The following CRTAC1 variants were observed in gnomAD, a reference collection of about 807,000 sequenced individuals.
The protein encoded by CRTAC1 is cartilage acidic protein 1.
In CRTAC1, 37 loss-of-function variants were observed where a neutral mutation model predicts 67.8. That is an observed-to-expected ratio of 0.55 (90% confidence interval 0.42 to 0.72). The LOEUF (loss-of-function observed/expected upper bound fraction) is 0.72, where lower values mean the gene tolerates loss of function less well. CRTAC1 is among the 30% of genes least tolerant of loss of function. CRTAC1 has a pLI of 0.00. For missense variants in CRTAC1, 780 were observed against 931.6 expected (o/e 0.84, Z 2.12); for synonymous variants, 348 against 371.0 (o/e 0.94, Z 0.71).
At chr10:97,901,039 TA>T (rs2050531771) in intron 8 of CRTAC1, among the ~76,000 whole-genome samples, 1 of 137,248 alleles carries the variant, frequency 7.3e-6, no homozygotes, top group African/African-American at 3.0e-5. Flanking sequence ...CTTTTCCTGG[TA>T]GTGATTGGAC....
chr10:97,913,759 C>T (rs2050722096), intron 5 of CRTAC1, among the ~76,000 whole-genome samples: 1 of 152,152 alleles, frequency 6.6e-6, no homozygotes, highest in Non-Finnish European at 1.5e-5. Flanking sequence ...TGGTCCCTGG[C>T]TGTCAGATCT....
chr10:97,942,763 T>A (rs1180838492), intron 2 of CRTAC1, among the ~76,000 whole-genome samples: 1 of 151,292 alleles, frequency 6.6e-6, no homozygotes, highest in Non-Finnish European at 1.5e-5. Flanking sequence ...TTTTTTTCCA[T>A]TAAAAAGTGA....
At chr10:98,027,880 C>T (rs1230039549) in intron 1 of CRTAC1, among the ~76,000 whole-genome samples, 1 of 152,182 alleles carries the variant, frequency 6.6e-6, no homozygotes, top group African/African-American at 2.4e-5. Flanking sequence ...AGCTCTGAAT[C>T]GAGCAGTGGG....
intron 1 of CRTAC1, among the ~76,000 whole-genome samples, chr10:98,025,187 G>A (rs771688506): frequency 1.3e-5 from 2 of 152,106 alleles, no homozygotes; most frequent in Non-Finnish European, 2.9e-5. Context: ...CTAATGTGCT[G>A]TGATTCTGTG....
rs1434628318 is a variant in CRTAC1 at position 97,865,298 on chromosome 10, G to C, written c.*250C>G. 4.8e-6 allele frequency: 2 copies of C among 412,528 alleles called. No individual in the cohort carries two copies. The highest frequency in any genetic ancestry group is 4.0e-5 in the African/African-American group (2 of 50,304). 25.6% of individuals were successfully genotyped at this position (412,528 alleles called of 1,614,324 possible). A position where few individuals can be genotyped will look rare whatever the true frequency, so the allele number is the denominator to read the frequency against. The stretch of plus-strand genomic sequence containing the variant: ...TGGGCACATCTGTGTCCTAAGATAT[G>C]GTCATTAGACCCACTGGAATGTAAG... On this transcript the variant is annotated 3_prime_UTR_variant, in exon 15 of 15. Transcript: ENST00000370597.
At chr10:97,990,632 AAAGT>A (rs1272372249) in intron 2 of CRTAC1, among the ~76,000 whole-genome samples, 2 of 152,222 alleles carry the variant, frequency 1.3e-5, no homozygotes, top group African/African-American at 4.8e-5. Flanking sequence ...GTTATTTCCC[AAAGT>A]AAGAATTTCT....
At chr10:97,960,893 G>A (rs2051514224) in intron 2 of CRTAC1, among the ~76,000 whole-genome samples, 1 of 152,248 alleles carries the variant, frequency 6.6e-6, no homozygotes, top group African/African-American at 2.4e-5. Flanking sequence ...GGCAGCCAGT[G>A]TTAGCTCCTG....
chr10:97,908,216 C>T (rs898323911), intron 5 of CRTAC1, 69 bp from the exon 6 acceptor site: 1 of 1,554,402 alleles, frequency 6.4e-7, no homozygotes, highest in African/African-American at 1.4e-5. Context: ...GACAGGGCTG[C>T]CTCTGAGGCC....
chr10:97,902,179 C>A (rs2050551024), intron 7 of CRTAC1, among the ~76,000 whole-genome samples: 1 of 152,176 alleles, frequency 6.6e-6, no homozygotes, highest in Admixed American at 6.5e-5. Context: ...AGTTACTAAC[C>A]CCCTTGGATC....
At chr10:97,973,973 CAA>C (rs552987541) in intron 2 of CRTAC1, among the ~76,000 whole-genome samples, 2,990 of 68,850 alleles carry the variant, frequency 0.043, 100 homozygotes, top group African/African-American at 0.12. Flanking sequence ...GATCCCATAC[CAA>C]AAAAAAAAAA....
At chr10:97,900,126 G>T (rs2050512320) in intron 8 of CRTAC1, among the ~76,000 whole-genome samples, 1 of 152,228 alleles carries the variant, frequency 6.6e-6, no homozygotes, top group African/African-American at 2.4e-5. Flanking sequence ...TGATGCCAAT[G>T]GTCTCTGGAC....
chr10:97,965,794 A>G (rs1407492321), intron 2 of CRTAC1, among the ~76,000 whole-genome samples: 1 of 152,204 alleles, frequency 6.6e-6, no homozygotes, highest in Admixed American at 6.5e-5. Flanking sequence ...GTCATGTTCA[A>G]TTCTGGGCTC....
At chr10:97,977,358 A>G (rs544249227) in intron 2 of CRTAC1, among the ~76,000 whole-genome samples, 42 of 152,354 alleles carry the variant, frequency 2.8e-4, no homozygotes, top group Middle Eastern at 6.8e-3. Context: ...TGAGCAAGAA[A>G]GGAGGAAGGC....
At chr10:97,931,881 C>T (rs1334690341) in intron 3 of CRTAC1, among the ~76,000 whole-genome samples, 1 of 152,168 alleles carries the variant, frequency 6.6e-6, no homozygotes, top group African/African-American at 2.4e-5. Flanking sequence ...ATCCTAGGTT[C>T]CTGGATGTGG....
At chr10:97,913,870 C>A (rs2050723369) in intron 5 of CRTAC1, among the ~76,000 whole-genome samples, 1 of 152,186 alleles carries the variant, frequency 6.6e-6, no homozygotes, top group African/African-American at 2.4e-5. Flanking sequence ...TGAGGATCTG[C>A]CAGAAGGCCT....
In CRTAC1 at chr10:97,991,367, T is replaced by G. The variant is rs533738218; in HGVS notation, c.224+19771A>C. Reference sequence around the variant, plus strand: ...GTCGGAGGTTGAAGTGAGCTGTGAATGCACCACTGCACTCCAGCCTGGGTG... The same window carrying G: ...GTCGGAGGTTGAAGTGAGCTGTGAAGGCACCACTGCACTCCAGCCTGGGTG... On this transcript the variant is annotated intron_variant, in intron 2 of 14. Transcript: ENST00000370597. Among the ~76,000 whole-genome samples, 6 of 151,642 alleles carry G rather than the reference T, an allele frequency of 4.0e-5. No individual in the cohort carries two copies. In the South Asian group the frequency reaches 1.2e-3, roughly 31 times the overall value.
chr10:97,963,262 T>C (rs2051557393), intron 2 of CRTAC1, among the ~76,000 whole-genome samples: 1 of 152,176 alleles, frequency 6.6e-6, no homozygotes, highest in Admixed American at 6.5e-5. Context: ...TTCTTTTTCC[T>C]GGACTGGTAG....
intron 11 of CRTAC1, among the ~76,000 whole-genome samples, chr10:97,884,910 T>C (rs1265039693): frequency 1.3e-5 from 2 of 152,158 alleles, no homozygotes; most frequent in African/African-American, 4.8e-5. Flanking sequence ...TGGGGACAAA[T>C]CCCAGCTGTG....
At chr10:97,872,163 C>T (rs1411583524) in intron 14 of CRTAC1, among the ~76,000 whole-genome samples, 1 of 150,682 alleles carries the variant, frequency 6.6e-6, no homozygotes, top group Non-Finnish European at 1.5e-5. Flanking sequence ...GGGCCTGGCC[C>T]TGGCCAGGTG....
Sources: gnomAD v4.1 joint callset for allele counts (sites outside exome capture counted in the v4.1 genomes callset) on GRCh38, gnomAD v4.1.1 for gene constraint, MANE v1.5 for transcripts, NCBI Gene and HGNC (gene_info 2026-07-23, HGNC 2026-07-21) for gene names.